TTLL5: variants seen among roughly 807,000 people sequenced by gnomAD.
TTLL5 encodes the protein tubulin tyrosine ligase like 5.
A neutral mutation model predicts 168.4 loss-of-function variants in TTLL5; 132 were observed. The observed-to-expected ratio is 0.78, with a 90% CI of 0.68 to 0.91. The LOEUF is 0.91. TTLL5 is among the 40% of genes least tolerant of loss of function. The probability of loss-of-function intolerance (pLI) is 0.00; values close to 1 mark genes in which losing one functional copy is unlikely to be tolerated. For synonymous variants in TTLL5, 546 were observed against 558.6 expected (o/e 0.98, Z 0.32); for missense variants, 1,545 against 1,581.5 (o/e 0.98, Z 0.39).
chr14:75,867,695 G>A (rs1465442074), intron 29 of TTLL5, among the ~76,000 whole-genome samples: 1 of 151,768 alleles, frequency 6.6e-6, no homozygotes, highest in African/African-American at 2.4e-5. Context: ...GGGAGGCGGA[G>A]GTTGCAGTGA....
In TTLL5 at chr14:75,783,428, C is replaced by G; in HGVS notation, c.2884C>G (p.Arg962Gly). Residue 962 changes from arginine (R) to glycine (G), a missense_variant, in exon 26 of 32, where the codon CGC (arginine) becomes GGC (glycine). Physicochemically the swap from Arg to Gly is moderately radical, Grantham distance 125. Coordinates refer to ENST00000298832, the MANE Select transcript of TTLL5 (RefSeq NM_015072.5). The part of the protein sequence containing the change: ...QNIPSPTGLP[R>G]CRSGSHTIGP... ...CATCCCAAGCCCTACTGGCCTGCCA[C>G]GCTGTCGATCAGGAAGTCACACCAT... 6.2e-7 allele frequency: 1 copy of G among 1,614,204 alleles called. No individual in the cohort carries two copies. The highest frequency in any genetic ancestry group is 1.1e-5 in the South Asian group (1 of 91,078).
intron 31 of TTLL5, among the ~76,000 whole-genome samples, chr14:75,919,453 T>A (rs576206248): frequency 6.6e-6 from 1 of 152,272 alleles, no homozygotes; most frequent in South Asian, 2.1e-4. Context: ...AATAAACTTA[T>A]ATATCAAATA....
At chr14:75,735,407 G>A (rs962886770) in intron 15 of TTLL5, 118 bp downstream of exon 15, 1 of 918,046 alleles carries the variant, frequency 1.1e-6, no homozygotes, top group East Asian at 2.4e-5. Context: ...AGAATTTGGG[G>A]ATCACTCTAG....
chr14:75,904,594 T>C (rs1278589307), intron 31 of TTLL5, among the ~76,000 whole-genome samples: 3 of 152,172 alleles, frequency 2.0e-5, no homozygotes, highest in Non-Finnish European at 4.4e-5. Context: ...TTAGAAGATT[T>C]TGTGGCACTC....
intron 18 of TTLL5, among the ~76,000 whole-genome samples, chr14:75,762,994 C>T (rs1594990786): frequency 6.6e-6 from 1 of 152,068 alleles, no homozygotes; most frequent in East Asian, 1.9e-4. Context: ...TAGATTGTCT[C>T]CAATCACATT....
intron 3 of TTLL5, among the ~76,000 whole-genome samples, chr14:75,675,967 T>C (rs1280071828): frequency 6.6e-6 from 1 of 152,200 alleles, no homozygotes; most frequent in African/African-American, 2.4e-5. Context: ...TTTGAAAGCC[T>C]GTGAGCCAGA....
chr14:75,693,489 G>A (rs1319792842), intron 6 of TTLL5, among the ~76,000 whole-genome samples: 2 of 152,196 alleles, frequency 1.3e-5, no homozygotes, highest in Admixed American at 1.3e-4. Context: ...GAAAGCCTAG[G>A]TACTCCCCAA....
In TTLL5 at chr14:75,737,440, G is replaced by A. The variant is rs1888980853; in HGVS notation, c.1281+2151G>A. On this transcript the variant is annotated intron_variant, in intron 15 of 31. Transcript: ENST00000298832. ...CTAACCTTCCAACCACAAAGTGTAG[G>A]GCTCTTGCTTTTGGTTTCTGCTTGG... 10 of 837,864 alleles carry A rather than the reference G, an allele frequency of 1.2e-5. No individual in the cohort carries two copies. The South Asian group carries it at 1.7e-4, about 14-fold the overall frequency. 51.9% of individuals were successfully genotyped at this position (837,864 alleles called of 1,614,324 possible).
intron 26 of TTLL5, among the ~76,000 whole-genome samples, chr14:75,791,546 C>CT (rs879851126): frequency 8.1e-5 from 12 of 148,928 alleles, no homozygotes; most frequent in Admixed American, 1.3e-4. Context: ...TTTGATAAAA[C>CT]TTTTTTTTTT....
chr14:75,752,910 A>G lies in TTLL5; in HGVS notation c.1505A>G (p.Lys502Arg). ...CTTTTCAGGTCCTACCTCGAGCATAAGACCTCAATGAACTATATGCTGGCA... is the reference window on the plus strand; with the variant it reads ...CTTTTCAGGTCCTACCTCGAGCATAGGACCTCAATGAACTATATGCTGGCA... ...WEIYGSYLEH[K>R]TSMNYMLATR... Residue 502 changes from lysine (K) to arginine (R), a missense_variant, in exon 18 of 32, where the codon AAG (lysine) becomes AGG (arginine). Coordinates refer to ENST00000298832, the MANE Select transcript of TTLL5 (RefSeq NM_015072.5). The G allele has an allele frequency of 6.2e-7, 1 of 1,613,584 alleles. No individual in the cohort carries two copies. The highest frequency in any genetic ancestry group is 1.3e-5 in the African/African-American group (1 of 75,038).
chr14:75,810,702 G>A (rs1257162177), intron 27 of TTLL5, among the ~76,000 whole-genome samples: 1 of 152,058 alleles, frequency 6.6e-6, no homozygotes, highest in African/African-American at 2.4e-5. Flanking sequence ...TCTCCATTTC[G>A]ATAAATAAGA....
At chr14:75,923,366 T>C (rs2033896416) in intron 31 of TTLL5, among the ~76,000 whole-genome samples, 1 of 152,220 alleles carries the variant, frequency 6.6e-6, no homozygotes. Flanking sequence ...AATTTCCCTC[T>C]ACACACTGCT....
intron 28 of TTLL5, among the ~76,000 whole-genome samples, chr14:75,857,381 T>TTAGATAGA (rs75729746): frequency 0.29 from 43,862 of 149,680 alleles, 6,522 homozygotes; most frequent in East Asian, 0.38. Flanking sequence ...GGTTGGTTGA[T>TTAGATAGA]TAGATAGATA....
chr14:75,902,085 C>A, intron 30 of TTLL5, 57 bp from the exon 31 acceptor site: 12 of 1,503,370 alleles, frequency 8.0e-6, no homozygotes, highest in Non-Finnish European at 1.1e-5. Flanking sequence ...ATCAGAGGTC[C>A]TGCACCTGAC....
chr14:75,931,715 A>G (rs1371553625), intron 31 of TTLL5, among the ~76,000 whole-genome samples: 1 of 152,168 alleles, frequency 6.6e-6, no homozygotes, highest in Non-Finnish European at 1.5e-5. Context: ...ACCACTCCCC[A>G]GCCACTCCCT....
chr14:75,812,305 G>A (rs753682753), intron 27 of TTLL5, among the ~76,000 whole-genome samples: 1 of 152,196 alleles, frequency 6.6e-6, no homozygotes, highest in African/African-American at 2.4e-5. Flanking sequence ...GGTGGAGGTA[G>A]GATCTTGTGA....
chr14:75,704,734 A>G (rs913126801), intron 7 of TTLL5, among the ~76,000 whole-genome samples: 6 of 152,260 alleles, frequency 3.9e-5, no homozygotes, highest in African/African-American at 1.4e-4. Flanking sequence ...CAAAGAAACT[A>G]TATCCAAACC....
chr14:75,779,440 C>A, intron 23 of TTLL5, 135 bp from the exon 24 acceptor site: 1 of 1,211,828 alleles, frequency 8.3e-7, no homozygotes, highest in Non-Finnish European at 1.2e-6. Context: ...TTTTAACCAC[C>A]TATTAATAGG....
rs140439881 is a variant in TTLL5, at chr14:75,702,581, A to G, written c.585+3311A>G. Among the ~76,000 whole-genome samples, 274 of 152,328 alleles carry G rather than the reference A, an allele frequency of 1.8e-3. 4 individuals are homozygous for G. Among genetic ancestry groups the G allele is most frequent in the African/African-American group, 6.2e-3 (257 of 41,576 alleles). Reference sequence around the variant, plus strand: ...TTTTAAAGCTAGCATCATAAAGGATAGAAAAGTTAAACTTTCCTTGGTGGA... The same window carrying G: ...TTTTAAAGCTAGCATCATAAAGGATGGAAAAGTTAAACTTTCCTTGGTGGA... On this transcript the variant is annotated intron_variant, in intron 7 of 31. Coordinates refer to ENST00000298832, the MANE Select transcript of TTLL5 (RefSeq NM_015072.5).
Sources: gnomAD v4.1 joint callset for allele counts (sites outside exome capture counted in the v4.1 genomes callset) on GRCh38, gnomAD v4.1.1 for gene constraint, MANE v1.5 for transcripts, NCBI Gene and HGNC (gene_info 2026-07-23, HGNC 2026-07-21) for gene names.